The following RIMS1 variants were observed in gnomAD, a reference collection of about 807,000 sequenced individuals.
RIMS1 encodes the protein regulating synaptic membrane exocytosis protein 1.
Under a neutral mutation model 214.1 loss-of-function variants are expected in RIMS1, and 83 were observed. That is an observed-to-expected ratio of 0.39 (90% confidence interval 0.32 to 0.47). RIMS1 has a LOEUF of 0.47. RIMS1 is among the 20% of genes least tolerant of loss of function. The pLI is 0.99. For missense variants in RIMS1, 2,050 were observed against 2,161.8 expected (o/e 0.95, Z 1.03); for synonymous variants, 793 against 786.8 (o/e 1.01, Z -0.13).
At chr6:72,141,430 G>C (rs966581771) in intron 4 of RIMS1, among the ~76,000 whole-genome samples, 2 of 151,928 alleles carry the variant, frequency 1.3e-5, no homozygotes, top group African/African-American at 4.8e-5. Flanking sequence ...CAAATGACTA[G>C]TAAATCTGAT....
At chr6:72,223,841 G>A (rs191571203) in intron 6 of RIMS1, among the ~76,000 whole-genome samples, 15 of 151,738 alleles carry the variant, frequency 9.9e-5, no homozygotes, top group African/African-American at 1.5e-4. Context: ...CCAGTTACTC[G>A]GGAGGCTGAG....
chr6:71,961,235 G>A (rs981650689), intron 1 of RIMS1, among the ~76,000 whole-genome samples: 2 of 152,106 alleles, frequency 1.3e-5, no homozygotes, highest in African/African-American at 4.8e-5. Flanking sequence ...GGCCATTATG[G>A]TCAAATGAAA....
rs182195258 is a variant in RIMS1 at position 71,944,899 on chromosome 6, G to C, written c.165-24084G>C. On this transcript the variant is annotated intron_variant, in intron 1 of 33. Coordinates refer to ENST00000521978, the MANE Select transcript of RIMS1 (RefSeq NM_014989.7). Reference sequence around the variant, plus strand: ...CAATGAATTATTTAGACATTGCGTTGTTATCTTAAAGGTAGTAACAGGGGT... The same window carrying C: ...CAATGAATTATTTAGACATTGCGTTCTTATCTTAAAGGTAGTAACAGGGGT... Among the ~76,000 whole-genome samples the C allele has an allele frequency of 1.7e-4, 26 of 152,242 alleles. 1 individual carries two copies. The highest frequency in any genetic ancestry group is 9.2e-4 in the Admixed American group (14 of 15,288).
chr6:71,927,513 C>CA (rs747019336), intron 1 of RIMS1, among the ~76,000 whole-genome samples: 4 of 152,214 alleles, frequency 2.6e-5, no homozygotes, highest in South Asian at 2.1e-4. Flanking sequence ...ACTGATTAGA[C>CA]AAAATTCGTT....
intron 21 of RIMS1, 82 bp downstream of exon 21, chr6:72,265,585 T>C: frequency 1.4e-6 from 1 of 712,400 alleles, no homozygotes. Flanking sequence ...AAATTATTTC[T>C]CCTCTGATGT....
intron 1 of RIMS1, among the ~76,000 whole-genome samples, chr6:71,915,009 A>G (rs890996241): frequency 9.2e-5 from 14 of 152,248 alleles, no homozygotes; most frequent in African/African-American, 3.4e-4. Flanking sequence ...AAGGAAATGT[A>G]CTATTTTGAT....
chr6:72,350,078 T>G (rs778990533), intron 29 of RIMS1, among the ~76,000 whole-genome samples: 24 of 152,128 alleles, frequency 1.6e-4, no homozygotes, highest in Non-Finnish European at 2.8e-4. Context: ...AATAATTCTG[T>G]CTTCTCATGG....
chr6:72,119,449 C>A (rs1159106819), intron 4 of RIMS1, among the ~76,000 whole-genome samples: 1 of 151,666 alleles, frequency 6.6e-6, no homozygotes, highest in Admixed American at 6.6e-5. Context: ...TTAGAAAACA[C>A]AATTCTAAAA....
At chr6:72,261,323 C>T (rs1403497571) in intron 19 of RIMS1, 10 of 991,102 alleles carry the variant, frequency 1.0e-5, no homozygotes, top group Non-Finnish European at 1.2e-5. Flanking sequence ...CTTAACTATC[C>T]TAGCCCACCA....
chr6:72,104,264 A>C (rs2034266444), intron 4 of RIMS1, among the ~76,000 whole-genome samples: 1 of 152,184 alleles, frequency 6.6e-6, no homozygotes, highest in African/African-American at 2.4e-5. Context: ...TCTCAGCCAT[A>C]GGTCCAAGAT....
At chr6:71,900,047 G>T (rs1297103041) in intron 1 of RIMS1, among the ~76,000 whole-genome samples, 1 of 151,930 alleles carries the variant, frequency 6.6e-6, no homozygotes, top group Non-Finnish European at 1.5e-5. Context: ...ACAGAACATT[G>T]TATAATATTT....
At chr6:72,381,745 G>A (rs2098493313) in intron 29 of RIMS1, among the ~76,000 whole-genome samples, 1 of 152,176 alleles carries the variant, frequency 6.6e-6, no homozygotes, top group Admixed American at 6.5e-5. Context: ...AGATCTGACA[G>A]GCAAGGCTTT....
intron 2 of RIMS1, among the ~76,000 whole-genome samples, chr6:72,052,589 T>C (rs1177276353): frequency 2.0e-5 from 3 of 152,190 alleles, no homozygotes; most frequent in East Asian, 1.9e-4. Context: ...GACTTTGAAA[T>C]TGGACCAACC....
intron 28 of RIMS1, among the ~76,000 whole-genome samples, chr6:72,331,174 C>G (rs1012307637): frequency 4.1e-4 from 62 of 151,682 alleles, no homozygotes; most frequent in African/African-American, 1.4e-3. Context: ...AGACATTTCC[C>G]TATACTCTTA....
chr6:71,990,062 C>A (rs1801138023), intron 2 of RIMS1, among the ~76,000 whole-genome samples: 1 of 152,228 alleles, frequency 6.6e-6, no homozygotes, highest in Non-Finnish European at 1.5e-5. Context: ...GTAGGCCCCT[C>A]TGCTATTCTC....
At chr6:71,961,325 A>G (rs905430315) in intron 1 of RIMS1, among the ~76,000 whole-genome samples, 6 of 151,854 alleles carry the variant, frequency 4.0e-5, no homozygotes, top group Admixed American at 3.3e-4. Context: ...TTGTTTCGTC[A>G]CTAAACTCTT....
intron 6 of RIMS1, among the ~76,000 whole-genome samples, chr6:72,221,373 A>G (rs958087194): frequency 2.0e-5 from 3 of 151,744 alleles, no homozygotes; most frequent in Admixed American, 1.3e-4. Flanking sequence ...AGAAACAAAT[A>G]GAACCATAGA....
chr6:71,947,111 T>C (rs192427741), intron 1 of RIMS1, among the ~76,000 whole-genome samples: 18 of 152,090 alleles, frequency 1.2e-4, no homozygotes, highest in Middle Eastern at 3.4e-3. Flanking sequence ...ACCGTTAAAA[T>C]GGCTAATATA....
At chr6:72,152,799 GTA>G (rs1202403844) in intron 4 of RIMS1, among the ~76,000 whole-genome samples, 3 of 79,738 alleles carry the variant, frequency 3.8e-5, no homozygotes, top group African/African-American at 1.9e-4. Context: ...TGGAATATAT[GTA>G]TATATATGTA....
Sources: allele counts gnomAD v4.1 joint callset (sites outside exome capture counted in the v4.1 genomes callset), GRCh38; gene constraint gnomAD v4.1.1; transcripts MANE v1.5; gene names NCBI Gene and HGNC (gene_info 2026-07-23, HGNC 2026-07-21).